FRMD4A: variants seen among roughly 807,000 people sequenced by gnomAD.
FRMD4A encodes FERM domain containing 4A.
In FRMD4A, 29 loss-of-function variants were observed where a neutral mutation model predicts 129.1. The observed-to-expected ratio is 0.22, with a 90% CI of 0.17 to 0.31. The LOEUF is 0.31. FRMD4A is among the 10% of genes least tolerant of loss of function. FRMD4A has a pLI of 1.00. For synonymous variants in FRMD4A, 634 were observed against 571.6 expected, an observed-to-expected ratio of 1.11 and a Z score of -1.56; for missense variants, 1,272 against 1,375.8, an observed-to-expected ratio of 0.92 and a Z score of 1.19.
chr10:13,702,421 A>C (rs545481567), intron 13 of FRMD4A, among the ~76,000 whole-genome samples: 24 of 152,292 alleles, frequency 1.6e-4, no homozygotes, highest in Admixed American at 1.4e-3. Flanking sequence ...TGAAAACGGG[A>C]ACTGTTCATC....
chr10:13,685,063 C>A (rs899901806), intron 15 of FRMD4A: 1 of 984,520 alleles, frequency 1.0e-6, no homozygotes, highest in East Asian at 1.1e-4. Context: ...TCCCAGGAGA[C>A]CACGGGAAAT....
At chr10:14,024,280 GA>G (rs1435955605) in intron 2 of FRMD4A, among the ~76,000 whole-genome samples, 1 of 152,242 alleles carries the variant, frequency 6.6e-6, no homozygotes, top group Non-Finnish European at 1.5e-5. Flanking sequence ...CCGTAATGGG[GA>G]CAGGGTCCCA....
chr10:13,726,265 C>A (rs1476852751), intron 12 of FRMD4A, among the ~76,000 whole-genome samples: 4 of 152,168 alleles, frequency 2.6e-5, no homozygotes, highest in African/African-American at 2.4e-5. Flanking sequence ...CAGAGTGAGA[C>A]CTTGTCTCAA....
At chr10:14,071,129 C>A (rs1405391351) in intron 2 of FRMD4A, among the ~76,000 whole-genome samples, 2 of 152,352 alleles carry the variant, frequency 1.3e-5, no homozygotes, top group East Asian at 3.9e-4. Context: ...ATTTGCCTTT[C>A]TGATGCCTAT....
chr10:13,652,043 C>A, intron 23 of FRMD4A, 69 bp from the exon 24 acceptor site: 1 of 846,400 alleles, frequency 1.2e-6, no homozygotes, highest in South Asian at 1.3e-5. Context: ...GACACAGACA[C>A]AGACACGATT....
rs569257746 is a variant in FRMD4A, at chr10:13,901,756, C to T, written c.46-42844G>A. Among the ~76,000 whole-genome samples, 3 of 152,088 alleles carry T rather than the reference C, an allele frequency of 2.0e-5. No individual in the cohort carries two copies. The South Asian group carries it at 6.3e-4, about 32-fold the overall frequency. On this transcript the variant is annotated intron_variant, in intron 2 of 24. Coordinates refer to ENST00000357447, the MANE Select transcript of FRMD4A (RefSeq NM_018027.5). ...ATAGGACTATATTGAAAGGATGGGC[C>T]AGAGCAGGAAGTAAGAGCCCCGGGA...
At chr10:13,925,901 T>A (rs1189147203) in intron 2 of FRMD4A, among the ~76,000 whole-genome samples, 5 of 124,454 alleles carry the variant, frequency 4.0e-5, no homozygotes, top group Non-Finnish European at 8.4e-5. Flanking sequence ...TTTTTTTTTT[T>A]AGTATAAAAT....
rs751166412 is a variant in FRMD4A at position 13,670,458 on chromosome 10, C to T, written c.1322G>A (p.Arg441Lys). 6.2e-7 allele frequency: 1 copy of T among 1,613,356 alleles called. No individual in the cohort carries two copies. The highest frequency in any genetic ancestry group is 1.1e-5 in the South Asian group (1 of 91,048). The part of the protein sequence containing the change: ...PGEEPPIVRR[R>K]IGTAFKLDEQ... ...ATCCAGTTTGAAGGCTGTTCCTATT[C>T]TTCTCCGAACAATGGGTGGTTCCTC... is the stretch of plus-strand genomic sequence containing the variant. Residue 441 changes from arginine to lysine, a missense_variant, in exon 17 of 25, where the codon AGA becomes AAA. Physicochemically the swap from Arg to Lys is conservative, Grantham distance 26 (BLOSUM62 2). Transcript: ENST00000357447.
intron 2 of FRMD4A, among the ~76,000 whole-genome samples, chr10:14,176,030 T>C (rs1259604291): frequency 1.3e-5 from 2 of 152,220 alleles, no homozygotes; most frequent in African/African-American, 2.4e-5. Flanking sequence ...TTCTTGGGTA[T>C]TGACTTAAAC....
At chr10:14,170,375 C>T (rs1211121068) in intron 2 of FRMD4A, among the ~76,000 whole-genome samples, 1 of 152,212 alleles carries the variant, frequency 6.6e-6, no homozygotes, top group Non-Finnish European at 1.5e-5. Context: ...TCCATTTCCC[C>T]TTAATTGCCC....
intron 2 of FRMD4A, among the ~76,000 whole-genome samples, chr10:13,894,631 G>T (rs2094737387): frequency 1.3e-5 from 2 of 152,106 alleles, no homozygotes; most frequent in African/African-American, 4.8e-5. Context: ...CACATTTCCT[G>T]CTTCCTCTCC....
At chr10:14,127,970 C>CTTTT (rs57802297) in intron 2 of FRMD4A, among the ~76,000 whole-genome samples, 4 of 64,886 alleles carry the variant, frequency 6.2e-5, no homozygotes, top group African/African-American at 3.0e-4. Flanking sequence ...TTCTTTCTTT[C>CTTTT]TTTCTTTCCT....
intron 2 of FRMD4A, among the ~76,000 whole-genome samples, chr10:14,011,957 T>G (rs1408555895): frequency 6.7e-6 from 1 of 148,308 alleles, no homozygotes; most frequent in African/African-American, 2.5e-5. Context: ...TGTAGCGAGC[T>G]GAGATTGCAC....
intron 2 of FRMD4A, among the ~76,000 whole-genome samples, chr10:14,291,628 G>T (rs1398766697): frequency 6.6e-6 from 1 of 151,754 alleles, no homozygotes; most frequent in East Asian, 1.9e-4. Context: ...AAACAAATTA[G>T]AAATAGAAAA....
intron 2 of FRMD4A, among the ~76,000 whole-genome samples, chr10:14,235,639 C>G (rs1357646688): frequency 6.6e-6 from 1 of 152,226 alleles, no homozygotes; most frequent in Non-Finnish European, 1.5e-5. Flanking sequence ...GAATCCACCA[C>G]TGCCACGGGT....
At chr10:13,734,644 T>A (rs563154766) in intron 12 of FRMD4A, among the ~76,000 whole-genome samples, 1 of 115,524 alleles carries the variant, frequency 8.7e-6, no homozygotes, top group Admixed American at 8.4e-5. Context: ...TGTGGGGACT[T>A]CTCTTCTCCT....
chr10:14,177,256 G>A (rs1190474875), intron 2 of FRMD4A, among the ~76,000 whole-genome samples: 2 of 151,962 alleles, frequency 1.3e-5, no homozygotes, highest in East Asian at 1.9e-4. Flanking sequence ...GGAGTGCAGT[G>A]GCATGATCTT....
chr10:13,858,865 C>A lies in FRMD4A; in HGVS notation c.93G>T (p.Lys31Asn), dbSNP rs546451035. Residue 31 changes from lysine (K) to asparagine (N), a missense_variant, in exon 3 of 25, where the codon AAG becomes AAT. By Grantham distance (94) the Lys-to-Asn change is moderately conservative. Coordinates refer to ENST00000357447, the MANE Select transcript of FRMD4A (RefSeq NM_018027.5). ...RCQVHLLDDRKLELLVQPKLL... is the reference protein window; with the variant it reads ...RCQVHLLDDRNLELLVQPKLL... ...GATTTACCTGTACTAGGAGTTCCAG[C>A]TTCCTGTCATCAAGAAGATGTACTT... The A allele has an allele frequency of 6.2e-7, 1 of 1,604,986 alleles. No individual in the cohort carries two copies. Among genetic ancestry groups the A allele is most frequent in the East Asian group, 2.2e-5 (1 of 44,848 alleles).
chr10:13,849,687 C>A (rs2094114455), intron 3 of FRMD4A, among the ~76,000 whole-genome samples: 1 of 151,168 alleles, frequency 6.6e-6, no homozygotes, highest in Non-Finnish European at 1.5e-5. Flanking sequence ...CCATGTTGGT[C>A]AGGCTGGTCT....
Sources: allele counts gnomAD v4.1 joint callset (sites outside exome capture counted in the v4.1 genomes callset), GRCh38; gene constraint gnomAD v4.1.1; transcripts MANE v1.5; gene names NCBI Gene and HGNC (gene_info 2026-07-23, HGNC 2026-07-21).